Variants in KIF18A observed in about 807,000 individuals in gnomAD.
The protein encoded by KIF18A is kinesin-like protein KIF18A.
In KIF18A, 67 loss-of-function variants were observed where a neutral mutation model predicts 103.3. That is an observed-to-expected ratio of 0.65 (90% CI 0.53 to 0.79). The LOEUF (loss-of-function observed/expected upper bound fraction) is 0.79, where lower values mean the gene tolerates loss of function less well. Ranked by LOEUF, KIF18A falls within the 30% of genes least tolerant of loss-of-function variation. The probability of loss-of-function intolerance (pLI) is 0.00; values close to 1 mark genes in which losing one functional copy is unlikely to be tolerated. For missense variants in KIF18A, 1,032 were observed against 1,062.5 expected, an observed-to-expected ratio of 0.97 and a Z score of 0.40; for synonymous variants, 367 against 355.5, an observed-to-expected ratio of 1.03 and a Z score of -0.36.
chr11:28,083,925 G>C (rs1434324200), intron 7 of KIF18A, among the ~76,000 whole-genome samples: 1 of 152,048 alleles, frequency 6.6e-6, no homozygotes, highest in African/African-American at 2.4e-5. Flanking sequence ...GACACTTAAG[G>C]AGAGTGGCAG....
At position 28,052,499 on chromosome 11, in the gene KIF18A, TAAAA is replaced by T. The variant is rs375754896; in HGVS notation, c.1948+6423_1948+6426del. 6.0e-4 allele frequency among the ~76,000 whole-genome samples: 91 copies of T among 152,144 alleles called. 1 individual carries two copies. In the East Asian group the frequency reaches 0.016, roughly 27 times the overall value. Reference sequence around the variant, plus strand: ...TGCACTGTGATTGTGTCCCTCTACCTAAAAAAGTTTCTTCTCCCAGATATTCATA... The same window carrying T: ...TGCACTGTGATTGTGTCCCTCTACCTAAGTTTCTTCTCCCAGATATTCATA... On this transcript the variant is annotated intron_variant, in intron 13 of 16. Coordinates refer to ENST00000263181, the MANE Select transcript of KIF18A (RefSeq NM_031217.4).
intron 6 of KIF18A, among the ~76,000 whole-genome samples, chr11:28,086,510 T>C (rs1256083799): frequency 6.6e-6 from 1 of 152,232 alleles, no homozygotes; most frequent in Non-Finnish European, 1.5e-5. Context: ...GAACAGATTC[T>C]TTACAATGTT....
At chr11:28,104,072 AG>A (rs1447679842) in intron 1 of KIF18A, among the ~76,000 whole-genome samples, 1 of 152,226 alleles carries the variant, frequency 6.6e-6, no homozygotes, top group African/African-American at 2.4e-5. Flanking sequence ...CAAGTTGAAC[AG>A]GTCAATTTTT....
chr11:28,084,731 T>C lies in KIF18A; in HGVS notation c.975A>G (p.Gln325=), dbSNP rs1590703975. 3 of 1,612,116 alleles carry C rather than the reference T, an allele frequency of 1.9e-6. No individual in the cohort carries two copies. Among genetic ancestry groups the C allele is most frequent in the African/African-American group, 1.3e-5 (1 of 75,004 alleles). The part of the protein sequence containing the change: ...LLKDSLGGNC[Q]TIMIAAVSPS... ...GACTAACAGCAGCTATCATTATAGT[T>C]TGACAGTTTCCTCCAAGAGAATCCT... Residue 325 remains glutamine (Q), a synonymous_variant, in exon 7 of 17, where the codon CAA becomes CAG. Coordinates refer to ENST00000263181, the MANE Select transcript of KIF18A (RefSeq NM_031217.4).
chr11:28,076,771 T>C, intron 10 of KIF18A: 2 of 216,460 alleles, frequency 9.2e-6, no homozygotes, highest in Non-Finnish European at 1.8e-5. Flanking sequence ...TCATCTCTAC[T>C]AAAAATACAA....
intron 10 of KIF18A, among the ~76,000 whole-genome samples, chr11:28,071,556 T>G (rs1955273751): frequency 6.6e-6 from 1 of 150,540 alleles, no homozygotes; most frequent in Non-Finnish European, 1.5e-5. Flanking sequence ...TATTTTAAAA[T>G]GAATCAATGC....
intron 6 of KIF18A, among the ~76,000 whole-genome samples, chr11:28,087,144 G>C (rs1851239236): frequency 1.3e-5 from 2 of 152,034 alleles, no homozygotes; most frequent in Non-Finnish European, 2.9e-5. Context: ...TTCTTACATA[G>C]GTATACATGT....
At chr11:28,027,638 T>G (rs1274988023) in intron 15 of KIF18A, among the ~76,000 whole-genome samples, 4 of 151,862 alleles carry the variant, frequency 2.6e-5, no homozygotes, top group Non-Finnish European at 5.9e-5. Context: ...TTCCTACCAG[T>G]CTATCTTTCA....
At chr11:28,031,059 T>C (rs1381167229) in intron 15 of KIF18A, among the ~76,000 whole-genome samples, 2 of 151,208 alleles carry the variant, frequency 1.3e-5, no homozygotes, top group East Asian at 2.0e-4. Context: ...TGTGGAGAAA[T>C]AGGAACACTT....
intron 15 of KIF18A, among the ~76,000 whole-genome samples, chr11:28,032,932 C>G (rs191845333): frequency 6.6e-6 from 1 of 151,852 alleles, no homozygotes; most frequent in East Asian, 1.9e-4. Flanking sequence ...AGACAACCCA[C>G]AGAATTACAG....
intron 11 of KIF18A, among the ~76,000 whole-genome samples, chr11:28,067,464 T>C (rs1287322225): frequency 6.6e-6 from 1 of 152,128 alleles, no homozygotes; most frequent in Admixed American, 6.6e-5. Context: ...TCTCCAGTCA[T>C]GTCTGAGCTT....
intron 1 of KIF18A, among the ~76,000 whole-genome samples, chr11:28,103,079 T>G (rs1381097173): frequency 2.0e-5 from 3 of 152,144 alleles, no homozygotes; most frequent in African/African-American, 2.4e-5. Context: ...TACCCCTAAG[T>G]GGTATTTACT....
In KIF18A at chr11:28,097,746, G is replaced by C; in HGVS notation, c.202C>G (p.Gln68Glu). The stretch of plus-strand genomic sequence containing the variant: ...AATACAAATTTAAGATCCTTATTTT[G>C]TTTCTTTATAACATTTTGATTTGTA... ...KTTNQNVIKK[Q>E]NKDLKFVFDA... Residue 68 changes from glutamine to glutamate, a missense_variant, in exon 2 of 17, where the codon CAA (glutamine) becomes GAA (glutamate). By Grantham distance (29) the Gln-to-Glu change is conservative. Coordinates refer to ENST00000263181, the MANE Select transcript of KIF18A (RefSeq NM_031217.4). The C allele has an allele frequency of 1.9e-6, 3 of 1,610,824 alleles. No individual in the cohort carries two copies. The highest frequency in any genetic ancestry group is 2.5e-6 in the Non-Finnish European group (3 of 1,177,644).
rs1851263565 is a variant in KIF18A, at chr11:28,088,642, G to C, written c.779C>G (p.Ala260Gly). ...GGAAGTACTTGCTCGCTCAGATCCT[G>C]CCAGGTCAATGAGTGACATCTTGGC... ...RIAKMSLIDL[A>G]GSERASTSGA... The change falls in exon 6 of 17, where the codon GCA (alanine) becomes GGA (glycine). Residue 260 changes from alanine to glycine, a missense_variant. Coordinates refer to ENST00000263181, the MANE Select transcript of KIF18A (RefSeq NM_031217.4). 3 of 1,613,960 alleles carry C rather than the reference G, an allele frequency of 1.9e-6. No individual in the cohort carries two copies. The highest frequency in any genetic ancestry group is 1.7e-5 in the Admixed American group (1 of 60,012).
At chr11:28,082,806 A>T (rs747386284) in intron 9 of KIF18A, 50 bp downstream of exon 9, 3 of 1,173,342 alleles carry the variant, frequency 2.6e-6, no homozygotes, top group Non-Finnish European at 3.7e-6. Flanking sequence ...TACTTAACAA[A>T]ATTTTAAAAC....
chr11:28,091,841 G>A (rs932905091), intron 3 of KIF18A, among the ~76,000 whole-genome samples: 5 of 151,894 alleles, frequency 3.3e-5, no homozygotes, highest in Middle Eastern at 3.4e-3. Flanking sequence ...TTTTTGAGAC[G>A]GAGTCTCGCT....
chr11:28,048,775 G>A (rs1477334724), intron 13 of KIF18A, among the ~76,000 whole-genome samples: 1 of 152,096 alleles, frequency 6.6e-6, no homozygotes. Context: ...CCATTAAAAG[G>A]AAGATTTAAT....
At chr11:28,035,684 G>A (rs1285614082) in intron 14 of KIF18A, among the ~76,000 whole-genome samples, 190 bp from the exon 15 acceptor site, 1 of 151,508 alleles carries the variant, frequency 6.6e-6, no homozygotes, top group Non-Finnish European at 1.5e-5. Context: ...AGGTAAAGTT[G>A]CTATCAAGAG....
intron 9 of KIF18A, among the ~76,000 whole-genome samples, chr11:28,079,578 A>G (rs897002800): frequency 1.3e-5 from 2 of 152,238 alleles, no homozygotes; most frequent in African/African-American, 2.4e-5. Context: ...GCTCCAAAAC[A>G]GTATGAATAA....
Sources: gnomAD v4.1 joint callset for allele counts (sites outside exome capture counted in the v4.1 genomes callset) on GRCh38, gnomAD v4.1.1 for gene constraint, MANE v1.5 for transcripts, NCBI Gene and HGNC (gene_info 2026-07-23, HGNC 2026-07-21) for gene names.